The following CARD14 variants were observed in gnomAD, a reference collection of about 807,000 sequenced individuals.
The protein encoded by CARD14 is caspase recruitment domain-containing protein 14.
A neutral mutation model predicts 111.5 loss-of-function variants in CARD14; 107 were observed. The observed-to-expected ratio is 0.96, with a 90% CI of 0.82 to 1.13. The LOEUF is 1.13. Among genes scored for constraint, CARD14 ranks in the 50% most tolerant of loss-of-function variants. The pLI is 0.00. For synonymous variants in CARD14, 617 were observed against 579.6 expected (o/e 1.06, Z -0.93); for missense variants, 1,322 against 1,362.3 (o/e 0.97, Z 0.47).
At position 80,182,299 on chromosome 17, in the gene CARD14, C is replaced by T. The variant is rs1330617708; in HGVS notation, c.212-354C>T. On this transcript the variant is annotated intron_variant, in intron 5 of 23. Transcript: ENST00000648509. The surrounding 1 kb of genome is among the most constrained non-coding windows in gnomAD (Gnocchi z 4.7). ...CTGACAGCACCGTGGTGGGACCCTG[C>T]GTCTGCATCACCCACCAGCTTGCCA... 3.3e-5 allele frequency among the ~76,000 whole-genome samples: 5 copies of T among 152,162 alleles called. No homozygotes were observed. The highest frequency in any genetic ancestry group is 4.8e-5 in the African/African-American group (2 of 41,436).
At position 80,198,293 on chromosome 17, in the gene CARD14, G is replaced by A. The variant is rs950321448; in HGVS notation, c.1659-106G>A. On this transcript the variant is annotated intron_variant, in intron 15 of 23. Coordinates refer to ENST00000648509, the MANE Select transcript of CARD14 (RefSeq NM_001366385.1). The surrounding 1 kb of genome is among the most constrained non-coding windows in gnomAD (Gnocchi z 7.5). ...CCAAGCACATGGGGCCATGGAGGGG[G>A]AGGAGAATTCCAGAACACTGGGGCC... 44 of 1,566,006 alleles carry A rather than the reference G, an allele frequency of 2.8e-5. No individual in the cohort carries two copies. Among genetic ancestry groups the A allele is most frequent in the Non-Finnish European group, 3.7e-5 (42 of 1,148,858 alleles).
At chr17:80,205,236 C>A in intron 21 of CARD14, 31 bp downstream of exon 21, 1 of 1,570,002 alleles carries the variant, frequency 6.4e-7, no homozygotes, top group South Asian at 1.2e-5. Flanking sequence ...CCCTCTACCC[C>A]TTCCACCTTC....
chr17:80,183,925 C>T lies in CARD14; in HGVS notation c.362C>T (p.Thr121Ile). Residue 121 changes from threonine (T) to isoleucine (I), a missense_variant, in exon 7 of 24, where the codon ACA becomes ATA. Physicochemically the swap from Thr to Ile is moderately conservative, Grantham distance 89. Coordinates refer to ENST00000648509, the MANE Select transcript of CARD14 (RefSeq NM_001366385.1). ...CATCTGCCCACAGGTCTCATGGAGA[C>T]ATCCAAGCTGACCGAGTGCCTGGCT... Reference protein sequence around the residue: ...DFSNFSGLMETSKLTECLAGA... With the variant: ...DFSNFSGLMEISKLTECLAGA... The T allele has an allele frequency of 1.3e-6, 2 of 1,516,278 alleles. No individual in the cohort carries two copies. The highest frequency in any genetic ancestry group is 1.8e-6 in the Non-Finnish European group (2 of 1,130,964). 93.9% of individuals were successfully genotyped at this position (1,516,278 alleles called of 1,614,324 possible).
In CARD14 at chr17:80,209,162, C is replaced by T. The variant is rs993730466; in HGVS notation, c.*817C>T. ...GGGCTCGGGGAGGACCCAGGTCCGCCAGCACCTGGCCTTGCCCCTGCCTCC... is the reference window on the plus strand; with the variant it reads ...GGGCTCGGGGAGGACCCAGGTCCGCTAGCACCTGGCCTTGCCCCTGCCTCC... On this transcript the variant is annotated 3_prime_UTR_variant, in exon 24 of 24. Coordinates refer to ENST00000648509, the MANE Select transcript of CARD14 (RefSeq NM_001366385.1). The T allele has an allele frequency of 1.9e-5, 6 of 314,828 alleles. No individual in the cohort carries two copies. The highest frequency in any genetic ancestry group is 2.8e-5 in the Non-Finnish European group (6 of 216,860). The allele number at this position is 314,828 out of a possible 1,614,324, so 19.5% of individuals were successfully genotyped here. A position where few individuals can be genotyped will look rare whatever the true frequency, so the allele number is the denominator to read the frequency against.
rs756136709 is a variant in CARD14, at chr17:80,198,403, G to A, written c.1663G>A (p.Val555Ile). The A allele has an allele frequency of 2.4e-5, 38 of 1,600,120 alleles. No individual in the cohort carries two copies. Among genetic ancestry groups the A allele is most frequent in the Admixed American group, 1.2e-4 (7 of 59,490 alleles). ...CGGTCGTCTCCCGGCCTGCAGCGGCGTCCTCATGCGGCGGAGGCCAGCCCG... is the reference window on the plus strand; with the variant it reads ...CGGTCGTCTCCCGGCCTGCAGCGGCATCCTCATGCGGCGGAGGCCAGCCCG... ...PGRLDVSESG[V>I]LMRRRPARRI... The change falls in exon 16 of 24, where the codon GTC (valine) becomes ATC (isoleucine). Residue 555 changes from valine to isoleucine, a missense_variant. Transcript: ENST00000648509. The surrounding 1 kb of genome is among the most constrained non-coding windows in gnomAD (Gnocchi z 7.5).
intron 20 of CARD14, 193 bp from the exon 21 acceptor site, chr17:80,204,831 TGTGTAACCCCC>T: frequency 3.8e-6 from 2 of 526,788 alleles, no homozygotes; most frequent in East Asian, 6.2e-5. Context: ...GCCACAGAGC[TGTGTAACCCCC>T]GTGCAAAGGA....
chr17:80,181,884 G>A (rs2040188129), intron 5 of CARD14, among the ~76,000 whole-genome samples: 2 of 152,218 alleles, frequency 1.3e-5, no homozygotes, highest in African/African-American at 4.8e-5. Flanking sequence ...AGGTGGATGT[G>A]TCTTTGAAGG....
rs73438180 is a variant in CARD14 at position 80,172,689 on chromosome 17, T to C, written c.-689-217T>C. On this transcript the variant is annotated intron_variant, in intron 1 of 23. Coordinates refer to ENST00000648509, the MANE Select transcript of CARD14 (RefSeq NM_001366385.1). ...AGAGAAAGGTGGCACCGTTGATCATTACTCCAGGACAAGAGTCATAAAAGG... is the reference window on the plus strand; with the variant it reads ...AGAGAAAGGTGGCACCGTTGATCATCACTCCAGGACAAGAGTCATAAAAGG... Among the ~76,000 whole-genome samples, 446 of 152,186 alleles carry C rather than the reference T, an allele frequency of 2.9e-3. 2 individuals are homozygous for C. Among genetic ancestry groups the C allele is most frequent in the African/African-American group, 0.01 (430 of 41,506 alleles).
intron 23 of CARD14, 117 bp downstream of exon 23, chr17:80,207,202 C>A: frequency 1.5e-6 from 1 of 660,072 alleles, no homozygotes; most frequent in Non-Finnish European, 2.5e-6. Flanking sequence ...GAGGCGCTGA[C>A]AGGGCCGTTT....
chr17:80,193,013 G>A (rs571686758), intron 12 of CARD14, among the ~76,000 whole-genome samples: 11 of 152,308 alleles, frequency 7.2e-5, no homozygotes, highest in Admixed American at 5.9e-4. Flanking sequence ...GCCTCCCAAA[G>A]TGCTGGGATT....
chr17:80,204,865 G>T, intron 20 of CARD14, 170 bp from the exon 21 acceptor site: 1 of 593,746 alleles, frequency 1.7e-6, no homozygotes, highest in South Asian at 2.3e-5. Context: ...CGCTCAGCCA[G>T]GGGCTATGGA....
chr17:80,195,586 C>T lies in CARD14; in HGVS notation c.1528C>T (p.Pro510Ser). ...CTGCCTGGAGATCCCGGAGGGAGAC[C>T]CGGGAGCCCTGCCGGGAGCTAAGGC... ...SSCLEIPEGDPGALPGAKAGD... is the reference protein window; with the variant it reads ...SSCLEIPEGDSGALPGAKAGD... Residue 510 changes from proline (P) to serine (S), a missense_variant, in exon 14 of 24, where the codon CCG (proline) becomes TCG (serine). By Grantham distance (74) the Pro-to-Ser change is moderately conservative. Coordinates refer to ENST00000648509, the MANE Select transcript of CARD14 (RefSeq NM_001366385.1). The surrounding 1 kb of genome is among the most constrained non-coding windows in gnomAD (Gnocchi z 4.7). 1.2e-6 allele frequency: 2 copies of T among 1,612,784 alleles called. No individual in the cohort carries two copies. The highest frequency in any genetic ancestry group is 1.7e-6 in the Non-Finnish European group (2 of 1,179,822).
rs575672821 is a variant in CARD14 at position 80,195,823 on chromosome 17, G to T, written c.1594+171G>T. ...CGACCTTGCACTTTGGGAAAGTCCCGCCTGCCAGCCAGCGTAAGCCAAAGG... is the reference window on the plus strand; with the variant it reads ...CGACCTTGCACTTTGGGAAAGTCCCTCCTGCCAGCCAGCGTAAGCCAAAGG... On this transcript the variant is annotated intron_variant, in intron 14 of 23. Transcript: ENST00000648509. The surrounding 1 kb of genome is among the most constrained non-coding windows in gnomAD (Gnocchi z 4.7). The T allele has an allele frequency of 1.3e-5, 8 of 608,968 alleles. No individual in the cohort carries two copies. The highest frequency in any genetic ancestry group is 2.3e-5 in the Non-Finnish European group (8 of 348,018). The allele number at this position is 608,968 out of a possible 1,614,324, so 37.7% of individuals were successfully genotyped here.
At position 80,189,642 on chromosome 17, in the gene CARD14, A is replaced by T; in HGVS notation, c.844-111A>T. On this transcript the variant is annotated intron_variant, in intron 8 of 23. Coordinates refer to ENST00000648509, the MANE Select transcript of CARD14 (RefSeq NM_001366385.1). The surrounding 1 kb of genome is among the most constrained non-coding windows in gnomAD (Gnocchi z 4.7). ...GCCCGGTGTAGAGTGGCAAGACTGC[A>T]TCCGTCCACACACCTGACCGTGCAG... The T allele has an allele frequency of 7.6e-7, 1 of 1,308,070 alleles. No homozygotes were observed. The highest frequency in any genetic ancestry group is 1.0e-6 in the Non-Finnish European group (1 of 997,096). The allele number at this position is 1,308,070 out of a possible 1,614,324, so 81.0% of individuals were successfully genotyped here.
At position 80,181,480 on chromosome 17, in the gene CARD14, G is replaced by A; in HGVS notation, c.42G>A (p.Leu14=). ...GCAGGGACTCCGCACTCACGGCACT[G>A]GACGAGGAGACACTGTGGGAGATGA... The part of the protein sequence containing the change: ...LCRRDSALTA[L]DEETLWEMME... The change falls in exon 5 of 24, where the codon CTG becomes CTA. Residue 14 remains leucine (L), a synonymous_variant. Transcript: ENST00000648509. 1 of 1,589,192 alleles carries A rather than the reference G, an allele frequency of 6.3e-7. No homozygotes were observed.
chr17:80,184,221 CGCAGCCT>C lies in CARD14; in HGVS notation c.663_669del (p.Ser221ArgfsTer7). 6 of 1,535,250 alleles carry C rather than the reference CGCAGCCT, an allele frequency of 3.9e-6. No individual in the cohort carries two copies. The highest frequency in any genetic ancestry group is 3.5e-6 in the Non-Finnish European group (4 of 1,137,426). On this transcript the variant is annotated frameshift_variant, in exon 7 of 24. Coordinates refer to ENST00000648509, the MANE Select transcript of CARD14 (RefSeq NM_001366385.1). LOFTEE classifies it high-confidence loss of function. ...GAAGGAGCTGGCCGCCTCACGCTGC[CGCAGCCT>C]GCAGGAGGAGGTAGGGGGACACCCT...
Position 80,198,412 on chromosome 17 carries a change from C to A in CARD14, c.1672C>A (p.Arg558=), listed in dbSNP as rs373983740. 39 of 1,601,830 alleles carry A rather than the reference C, an allele frequency of 2.4e-5. No homozygotes were observed. The South Asian group carries it at 4.0e-4, about 16-fold the overall frequency. The change falls in exon 16 of 24, where the codon CGG becomes AGG. Residue 558 remains arginine, a synonymous_variant. Coordinates refer to ENST00000648509, the MANE Select transcript of CARD14 (RefSeq NM_001366385.1). This position sits in a 1 kb window ranked among gnomAD's most constrained non-coding sequence, Gnocchi z 7.5. ...LDVSESGVLM[R]RRPARRILSQ... is the part of the protein sequence containing the mutation. ...CCCGGCCTGCAGCGGCGTCCTCATG[C>A]GGCGGAGGCCAGCCCGCAGGATCCT... is the stretch of plus-strand genomic sequence containing the variant.
In CARD14 at chr17:80,205,670, G is replaced by A. The variant is rs1345671565; in HGVS notation, c.2691+18G>A. The A allele has an allele frequency of 6.5e-7, 1 of 1,535,650 alleles. No homozygotes were observed. The highest frequency in any genetic ancestry group is 8.8e-7 in the Non-Finnish European group (1 of 1,139,702). ...TGGAAAAGGTGAGGTCAAGGGCGGG[G>A]TGGGCAGGGGAGCTGTCCTGGGAAG... is the stretch of plus-strand genomic sequence containing the variant. On this transcript the variant is annotated intron_variant, in intron 22 of 23. Transcript: ENST00000648509.
chr17:80,183,396 T>C (rs1032155322), intron 6 of CARD14, among the ~76,000 whole-genome samples: 1 of 152,242 alleles, frequency 6.6e-6, no homozygotes, highest in Non-Finnish European at 1.5e-5. Context: ...TTTATGTTCT[T>C]TAGAGTTCTA....
Sources: gnomAD v4.1 joint callset for allele counts (sites outside exome capture counted in the v4.1 genomes callset) on GRCh38, gnomAD v4.1.1 for gene constraint, Gnocchi (gnomAD v3.1) non-coding constraint, MANE v1.5 for transcripts, NCBI Gene and HGNC (gene_info 2026-07-23, HGNC 2026-07-21) for gene names.